Variants in TMEM9B observed in about 807,000 individuals in gnomAD.
TMEM9B encodes the protein transmembrane protein 9B.
Under a neutral mutation model 23.5 loss-of-function variants are expected in TMEM9B, and 8 were observed. The ratio of observed to expected loss-of-function variants is 0.34; its 90% confidence interval spans 0.20 to 0.61. TMEM9B has a LOEUF of 0.61. Among genes scored for constraint, TMEM9B ranks in the 20% least tolerant of loss-of-function variants. TMEM9B has a pLI of 0.78. For missense variants in TMEM9B, 197 were observed against 252.3 expected (o/e 0.78, Z 1.49); for synonymous variants, 106 against 96.3 (o/e 1.10, Z -0.59).
At chr11:8,953,814 C>T (rs778978948) in intron 3 of TMEM9B, among the ~76,000 whole-genome samples, 18 of 152,092 alleles carry the variant, frequency 1.2e-4, no homozygotes, top group Non-Finnish European at 2.5e-4. Flanking sequence ...GAGAAACAGC[C>T]CTCATACGCT....
upstream of TMEM9B, chr11:8,964,474 C>G (rs369179386): frequency 2.0e-5 from 29 of 1,420,978 alleles, no homozygotes; most frequent in East Asian, 2.9e-4. Flanking sequence ...CGCGCCGGGT[C>G]AGATGCAAAA....
At chr11:8,952,319 CGT>C (rs139281160) in intron 4 of TMEM9B, among the ~76,000 whole-genome samples, 45 of 148,742 alleles carry the variant, frequency 3.0e-4, no homozygotes, top group Admixed American at 6.7e-4. Flanking sequence ...AATGTACACA[CGT>C]GTGTGTGTGT....
Position 8,964,359 on chromosome 11 carries a change from C to T in TMEM9B, c.-46G>A, listed in dbSNP as rs889099319. ...CACAGCCCGGAGCCCCCGCGACCGGCTCCCGGCTCGGGCTCAGGCTCAGGC... is the reference window on the plus strand; with the variant it reads ...CACAGCCCGGAGCCCCCGCGACCGGTTCCCGGCTCGGGCTCAGGCTCAGGC... On this transcript the variant is annotated 5_prime_UTR_variant, in exon 1 of 5. Transcript: ENST00000534025. 7 of 1,525,158 alleles carry T rather than the reference C, an allele frequency of 4.6e-6. No individual in the cohort carries two copies. The highest frequency in any genetic ancestry group is 2.0e-5 in the Admixed American group (1 of 48,856). 94.5% of individuals were successfully genotyped at this position (1,525,158 alleles called of 1,614,324 possible). A position where few individuals can be genotyped will look rare whatever the true frequency, so the allele number is the denominator to read the frequency against.
chr11:8,952,052 T>C (rs1383372593), intron 4 of TMEM9B, among the ~76,000 whole-genome samples: 1 of 152,116 alleles, frequency 6.6e-6, no homozygotes, highest in East Asian at 1.9e-4. Flanking sequence ...GAGGTTGTAG[T>C]GAGCCAAAGT....
At chr11:8,961,652 G>A (rs896037308) in intron 2 of TMEM9B, among the ~76,000 whole-genome samples, 1 of 152,146 alleles carries the variant, frequency 6.6e-6, no homozygotes, top group Non-Finnish European at 1.5e-5. Flanking sequence ...ACTTCTTCTT[G>A]AGCCTTCTGA....
At chr11:8,963,794 C>CT (rs1279962950) in intron 1 of TMEM9B, among the ~76,000 whole-genome samples, 15 of 151,820 alleles carry the variant, frequency 9.9e-5, no homozygotes, top group African/African-American at 3.6e-4. Context: ...ATCATTCTGG[C>CT]TTGGGGCATG....
At chr11:8,949,868 C>A (rs1296014926) in intron 4 of TMEM9B, among the ~76,000 whole-genome samples, 3 of 149,442 alleles carry the variant, frequency 2.0e-5, no homozygotes, top group Non-Finnish European at 3.0e-5. Flanking sequence ...CACTATATTG[C>A]CCAGACTGGC....
rs543357051 is a variant in TMEM9B at position 8,949,000 on chromosome 11, CAG to C, written c.442-527_442-526del. On this transcript the variant is annotated intron_variant, in intron 4 of 4. Transcript: ENST00000534025. ...CACATCACTCTGGGAGGGTGAGCGA[CAG>C]AGTCTTATCTTGGGTTGTTTTTAAT... is the stretch of plus-strand genomic sequence containing the variant. Among the ~76,000 whole-genome samples the C allele has an allele frequency of 3.1e-3, 477 of 152,272 alleles. 7 individuals carry two copies. The highest frequency in any genetic ancestry group is 0.011 in the African/African-American group (453 of 41,538).
At chr11:8,960,775 G>A (rs578252038) in intron 2 of TMEM9B, among the ~76,000 whole-genome samples, 84 of 151,710 alleles carry the variant, frequency 5.5e-4, no homozygotes, top group African/African-American at 1.7e-3. Flanking sequence ...TCTGCCTCCC[G>A]GGTTCAAGCG....
At chr11:8,956,355 G>A (rs1853974092) in intron 2 of TMEM9B, 57 bp from the exon 3 acceptor site, 17 of 1,431,584 alleles carry the variant, frequency 1.2e-5, no homozygotes, top group Non-Finnish European at 1.5e-5. Flanking sequence ...TGCTTGCTCT[G>A]ACCAAAAGTT....
Position 8,948,351 on chromosome 11 carries a change from G to C in TMEM9B, c.566C>G (p.Ser189Cys). ...WKLQVQEQRK[S>C]VFDRHVVLS The stretch of plus-strand genomic sequence containing the variant: ...GAGGACAACATGCCGGTCAAAGACA[G>C]ACTTTCGCTGCTCTTGGACTTGAAG... Residue 189 changes from serine to cysteine, a missense_variant, in exon 5 of 5, where the codon TCT (serine) becomes TGT (cysteine). Around this residue, in one of 2 missense-constraint regions of TMEM9B, gnomAD observed 141 missense variants for 214.1 expected, o/e 0.66. Transcript: ENST00000534025. The C allele has an allele frequency of 6.2e-7, 1 of 1,614,188 alleles. No homozygotes were observed. The highest frequency in any genetic ancestry group is 1.1e-5 in the South Asian group (1 of 91,080).
intron 3 of TMEM9B, 32 bp downstream of exon 3, chr11:8,956,158 C>A (rs766112519): frequency 5.0e-6 from 8 of 1,592,820 alleles, no homozygotes; most frequent in South Asian, 1.1e-5. Flanking sequence ...GACAGACAGA[C>A]AGACAGGTAG....
intron 1 of TMEM9B, chr11:8,963,975 C>CCGGGGCTGGGGACTGTCCGG (rs1854132395): frequency 1.9e-6 from 1 of 513,162 alleles, no homozygotes; most frequent in African/African-American, 2.4e-5. Context: ...TGGGCACTGT[C>CCGGGGCTGGGGACTGTCCGG]GGGGCTGGGG....
In TMEM9B at chr11:8,956,059, C is replaced by T. The variant is rs1055611086; in HGVS notation, c.306+131G>A. 4.0e-5 allele frequency: 26 copies of T among 650,202 alleles called. No individual in the cohort carries two copies. In the South Asian group the frequency reaches 5.1e-4, roughly 13 times the overall value. The allele number at this position is 650,202 out of a possible 1,614,324, so 40.3% of individuals were successfully genotyped here. A position where few individuals can be genotyped will look rare whatever the true frequency, so the allele number is the denominator to read the frequency against. The stretch of plus-strand genomic sequence containing the variant: ...TAATCCACAAACCATGTCAGTGAGG[C>T]AGGCAGAACAGGCCCATTATTCCTT... On this transcript the variant is annotated intron_variant, in intron 3 of 4. Transcript: ENST00000534025.
At position 8,953,297 on chromosome 11, in the gene TMEM9B, A is replaced by G; in HGVS notation, c.347T>C (p.Leu116Pro). ...IIYLSILGLL[L>P]LYMVYLTLVE... ...CAGAGTAAGATATACCATGTACAGAAGTAGAAGGCCCAAAATGGAGAGATA... is the reference window on the plus strand; with the variant it reads ...CAGAGTAAGATATACCATGTACAGAGGTAGAAGGCCCAAAATGGAGAGATA... Residue 116 changes from leucine (L) to proline (P), a missense_variant, in exon 4 of 5, where the codon CTT becomes CCT. Coordinates refer to ENST00000534025, the MANE Select transcript of TMEM9B (RefSeq NM_020644.3). 6.2e-7 allele frequency: 1 copy of G among 1,614,116 alleles called. No homozygotes were observed.
At position 8,964,075 on chromosome 11, in the gene TMEM9B, G is replaced by A. The variant is rs1854136434; in HGVS notation, c.105+134C>T. 10 of 863,908 alleles carry A rather than the reference G, an allele frequency of 1.2e-5. No homozygotes were observed. In the South Asian group the frequency reaches 1.3e-4, roughly 11 times the overall value. The allele number at this position is 863,908 out of a possible 1,614,324, so 53.5% of individuals were successfully genotyped here. A position where few individuals can be genotyped will look rare whatever the true frequency, so the allele number is the denominator to read the frequency against. ...GGAGGGGCGGGGCTGGTGGCGGCGG[G>A]GGTCTGCCGGAGCTGTGAGGCCAGG... On this transcript the variant is annotated intron_variant, in intron 1 of 4. Coordinates refer to ENST00000534025, the MANE Select transcript of TMEM9B (RefSeq NM_020644.3).
At chr11:8,962,511 A>T (rs1253661382) in intron 1 of TMEM9B, among the ~76,000 whole-genome samples, 2 of 152,240 alleles carry the variant, frequency 1.3e-5, no homozygotes, top group Non-Finnish European at 2.9e-5. Flanking sequence ...CATGGTAAGC[A>T]GATAGTTGTG....
rs756971700 is a variant in TMEM9B, at chr11:8,964,361, C to T, written c.-48G>A. On this transcript the variant is annotated 5_prime_UTR_variant, in exon 1 of 5. Transcript: ENST00000534025. ...CAGCCCGGAGCCCCCGCGACCGGCTCCCGGCTCGGGCTCAGGCTCAGGCTC... is the reference window on the plus strand; with the variant it reads ...CAGCCCGGAGCCCCCGCGACCGGCTTCCGGCTCGGGCTCAGGCTCAGGCTC... 7 of 1,509,580 alleles carry T rather than the reference C, an allele frequency of 4.6e-6. No individual in the cohort carries two copies. In the African/African-American group the frequency reaches 9.2e-5, roughly 20 times the overall value. The allele number at this position is 1,509,580 out of a possible 1,614,324, so 93.5% of individuals were successfully genotyped here.
At position 8,948,303 on chromosome 11, in the gene TMEM9B, T is replaced by A; in HGVS notation, c.*17A>T. On this transcript the variant is annotated 3_prime_UTR_variant, in exon 5 of 5. Coordinates refer to ENST00000534025, the MANE Select transcript of TMEM9B (RefSeq NM_020644.3). ...GTCTGCCTGTTTCTTTCTAGTCACC[T>A]TGAATTCAATTCCCAATTAGCTGAG... is the stretch of plus-strand genomic sequence containing the variant. The A allele has an allele frequency of 6.2e-7, 1 of 1,610,566 alleles. No homozygotes were observed. The highest frequency in any genetic ancestry group is 8.5e-7 in the Non-Finnish European group (1 of 1,178,104).
Sources: allele counts gnomAD v4.1 joint callset (sites outside exome capture counted in the v4.1 genomes callset), GRCh38; gene constraint gnomAD v4.1.1; regional missense constraint gnomAD v4.1.1; transcripts MANE v1.5; gene names NCBI Gene and HGNC (gene_info 2026-07-23, HGNC 2026-07-21).